The following ACER3 variants were observed in gnomAD, a reference collection of about 807,000 sequenced individuals.
The protein encoded by ACER3 is alkaline ceramidase 3, also known as alkCDase 3.
ACER3 carries 16 observed loss-of-function variants against 48.9 expected under a neutral mutation model. The observed-to-expected ratio is 0.33, with a 90% confidence interval of 0.22 to 0.50. The LOEUF (loss-of-function observed/expected upper bound fraction) is 0.50, where lower values mean the gene tolerates loss of function less well. ACER3 is among the 20% of genes least tolerant of loss of function. The probability of loss-of-function intolerance (pLI) is 0.98; values close to 1 mark genes in which losing one functional copy is unlikely to be tolerated. For missense variants in ACER3, 227 were observed against 326.0 expected, an observed-to-expected ratio of 0.70 and a Z score of 2.34; for synonymous variants, 109 against 107.8, an observed-to-expected ratio of 1.01 and a Z score of -0.07.
At chr11:77,018,098 C>T (rs1949405735) in intron 9 of ACER3, among the ~76,000 whole-genome samples, 1 of 151,920 alleles carries the variant, frequency 6.6e-6, no homozygotes, top group South Asian at 2.1e-4. Flanking sequence ...CGCCACCCTG[C>T]CTGGCTAATT....
chr11:76,863,517 A>G (rs942188351), intron 1 of ACER3, among the ~76,000 whole-genome samples: 50 of 152,238 alleles, frequency 3.3e-4, no homozygotes, highest in Non-Finnish European at 5.1e-4. Context: ...ATAGCAAGTC[A>G]TGAGTATCTA....
At chr11:76,916,020 T>A (rs1443198234) in intron 1 of ACER3, among the ~76,000 whole-genome samples, 1 of 152,238 alleles carries the variant, frequency 6.6e-6, no homozygotes, top group Non-Finnish European at 1.5e-5. Flanking sequence ...TGTGAGATTT[T>A]AACAGTAATA....
intron 4 of ACER3, among the ~76,000 whole-genome samples, chr11:76,982,200 T>C (rs1354366732): frequency 2.0e-5 from 3 of 151,780 alleles, no homozygotes; most frequent in African/African-American, 4.8e-5. Context: ...ATCTATTCAA[T>C]CTATTCAAAC....
intron 1 of ACER3, among the ~76,000 whole-genome samples, chr11:76,924,511 T>C (rs1946765749): frequency 1.3e-5 from 2 of 152,008 alleles, no homozygotes; most frequent in African/African-American, 4.8e-5. Context: ...GCCAGCTATT[T>C]TTTTTTTATT....
chr11:76,991,864 G>T (rs1948811660), intron 6 of ACER3, among the ~76,000 whole-genome samples: 1 of 150,112 alleles, frequency 6.7e-6, no homozygotes, highest in South Asian at 2.1e-4. Flanking sequence ...TCACTTTCTT[G>T]TTTATTGTAA....
intron 2 of ACER3, among the ~76,000 whole-genome samples, chr11:76,958,183 C>CTTTT (rs10555039): frequency 7.9e-6 from 1 of 125,906 alleles, no homozygotes; most frequent in South Asian, 2.6e-4. Flanking sequence ...TTATTAGCAA[C>CTTTT]TTTTTTTTTT....
At chr11:77,002,633 T>A (rs1949056435) in intron 7 of ACER3, among the ~76,000 whole-genome samples, 1 of 152,222 alleles carries the variant, frequency 6.6e-6, no homozygotes, top group Admixed American at 6.5e-5. Flanking sequence ...GAAATGTTGC[T>A]CCCTTCTATT....
intron 1 of ACER3, among the ~76,000 whole-genome samples, chr11:76,926,335 G>A (rs1001314084): frequency 6.6e-6 from 1 of 152,104 alleles, no homozygotes; most frequent in South Asian, 2.1e-4. Context: ...TTTGCTGGTG[G>A]AAAATTTTTA....
rs1211149833 is a variant in ACER3, at chr11:77,026,361, C to G, written c.*6034C>G. On this transcript the variant is annotated 3_prime_UTR_variant, in exon 11 of 11. Coordinates refer to ENST00000532485, the MANE Select transcript of ACER3 (RefSeq NM_018367.7). ...CTTTTTAGAGCTAAATTATTCATAC[C>G]AATGAATAAGTGAGTCTGTTCTAAG... The G allele has an allele frequency of 2.0e-5, 3 of 152,040 alleles. No individual in the cohort carries two copies. The highest frequency in any genetic ancestry group is 7.2e-5 in the African/African-American group (3 of 41,386). The allele number at this position is 152,040 out of a possible 1,614,324, so 9.4% of individuals were successfully genotyped here.
At chr11:76,908,265 G>T (rs182329306) in intron 1 of ACER3, among the ~76,000 whole-genome samples, 7 of 152,254 alleles carry the variant, frequency 4.6e-5, no homozygotes, top group African/African-American at 1.7e-4. Context: ...TAGAAAATAT[G>T]ATTGTATATT....
chr11:76,964,851 T>C (rs1948096455), intron 3 of ACER3, among the ~76,000 whole-genome samples: 1 of 150,654 alleles, frequency 6.6e-6, no homozygotes, highest in Non-Finnish European at 1.5e-5. Context: ...GATAAAACCA[T>C]GAAGATGGGA....
intron 2 of ACER3, among the ~76,000 whole-genome samples, chr11:76,927,585 A>G (rs945832793): frequency 3.3e-5 from 5 of 152,002 alleles, no homozygotes; most frequent in Non-Finnish European, 5.9e-5. Flanking sequence ...CATTAGGTAT[A>G]TCTCCTAATG....
Position 77,025,061 on chromosome 11 carries a change from T to C in ACER3, c.*4734T>C, listed in dbSNP as rs1949530566. The stretch of plus-strand genomic sequence containing the variant: ...TTGATACTTGAACTGAATTTAGTCA[T>C]TGGTAACTTAAATATTCACAAAATT... On this transcript the variant is annotated 3_prime_UTR_variant, in exon 11 of 11. Coordinates refer to ENST00000532485, the MANE Select transcript of ACER3 (RefSeq NM_018367.7). The C allele has an allele frequency of 6.6e-6, 1 of 152,178 alleles. No homozygotes were observed. Among genetic ancestry groups the C allele is most frequent in the Non-Finnish European group, 1.5e-5 (1 of 68,020 alleles). The allele number at this position is 152,178 out of a possible 1,614,324, so 9.4% of individuals were successfully genotyped here. A position where few individuals can be genotyped will look rare whatever the true frequency, so the allele number is the denominator to read the frequency against.
At chr11:76,877,905 A>G (rs1945426293) in intron 1 of ACER3, among the ~76,000 whole-genome samples, 1 of 148,996 alleles carries the variant, frequency 6.7e-6, no homozygotes, top group African/African-American at 2.4e-5. Context: ...GAATTGTACT[A>G]TATGTACATT....
Position 76,914,589 on chromosome 11 carries a change from C to T in ACER3, c.104-11968C>T, listed in dbSNP as rs570188569. 2.6e-5 allele frequency among the ~76,000 whole-genome samples: 4 copies of T among 152,284 alleles called. No individual in the cohort carries two copies. The South Asian group carries it at 8.3e-4, about 32-fold the overall frequency. On this transcript the variant is annotated intron_variant, in intron 1 of 10. Coordinates refer to ENST00000532485, the MANE Select transcript of ACER3 (RefSeq NM_018367.7). ...TGGAGAAATAGGAACACTTTTTACA[C>T]TATTGGTGGGAGTGTAAACTAGTTC...
intron 1 of ACER3, among the ~76,000 whole-genome samples, chr11:76,873,051 A>G (rs185298351): frequency 6.6e-6 from 1 of 151,228 alleles, no homozygotes; most frequent in African/African-American, 2.4e-5. Flanking sequence ...AGCTAGCACT[A>G]CAAGTGTCTG....
chr11:77,021,625 A>T lies in ACER3; in HGVS notation c.*1298A>T, dbSNP rs1648919976. Reference sequence around the variant, plus strand: ...TTTGCTTTATATAAATTATTGTAAAATCCAGATTGTTTTTACCACATGATG... The same window carrying T: ...TTTGCTTTATATAAATTATTGTAAATTCCAGATTGTTTTTACCACATGATG... On this transcript the variant is annotated 3_prime_UTR_variant, in exon 11 of 11. Coordinates refer to ENST00000532485, the MANE Select transcript of ACER3 (RefSeq NM_018367.7). The T allele has an allele frequency of 6.6e-6, 1 of 152,166 alleles. No individual in the cohort carries two copies. 9.4% of individuals were successfully genotyped at this position (152,166 alleles called of 1,614,324 possible). A position where few individuals can be genotyped will look rare whatever the true frequency, so the allele number is the denominator to read the frequency against.
chr11:76,967,417 CA>C (rs1388555711), intron 3 of ACER3, among the ~76,000 whole-genome samples: 2 of 152,152 alleles, frequency 1.3e-5, no homozygotes, highest in African/African-American at 4.8e-5. Flanking sequence ...GAAACTATTC[CA>C]ATCAATAGAA....
At chr11:76,918,644 A>T (rs1312660409) in intron 1 of ACER3, among the ~76,000 whole-genome samples, 1 of 152,048 alleles carries the variant, frequency 6.6e-6, no homozygotes, top group Non-Finnish European at 1.5e-5. Context: ...GTTCTTATAT[A>T]ATATTCTATG....
Sources: allele counts gnomAD v4.1 joint callset (sites outside exome capture counted in the v4.1 genomes callset), GRCh38; gene constraint gnomAD v4.1.1; transcripts MANE v1.5; gene names NCBI Gene and HGNC (gene_info 2026-07-23, HGNC 2026-07-21).